The following PPP6R3 variants were observed in gnomAD, a reference collection of about 807,000 sequenced individuals.
The protein encoded by PPP6R3 is protein phosphatase 6 regulatory subunit 3, also known as serine/threonine-protein phosphatase 6 regulatory subunit 3.
A neutral mutation model predicts 110.7 loss-of-function variants in PPP6R3; 38 were observed. That is an observed-to-expected ratio of 0.34 (90% CI 0.26 to 0.45). The LOEUF is 0.45. Ranked by LOEUF, PPP6R3 falls within the 20% of genes least tolerant of loss-of-function variation. The probability of loss-of-function intolerance (pLI) is 1.00; values close to 1 mark genes in which losing one functional copy is unlikely to be tolerated. For missense variants in PPP6R3, 870 were observed against 1,062.4 expected (o/e 0.82, Z 2.52); for synonymous variants, 369 against 373.5 (o/e 0.99, Z 0.14).
chr11:68,570,491 A>G (rs1343972029), intron 11 of PPP6R3, among the ~76,000 whole-genome samples: 3 of 152,220 alleles, frequency 2.0e-5, no homozygotes, highest in Non-Finnish European at 2.9e-5. Flanking sequence ...GGGAAAGACA[A>G]ATGACACCTG....
chr11:68,533,704 CAAAAAAAA>C (rs58617776), intron 2 of PPP6R3, among the ~76,000 whole-genome samples: 23 of 56,164 alleles, frequency 4.1e-4, no homozygotes, highest in Middle Eastern at 0.012. Context: ...GACCTTGTCT[CAAAAAAAA>C]AAAAAAAAAA....
chr11:68,476,020 G>C (rs2153318369), intron 1 of PPP6R3, among the ~76,000 whole-genome samples: 1 of 151,940 alleles, frequency 6.6e-6, no homozygotes, highest in East Asian at 2.0e-4. Flanking sequence ...CCCAGACGAT[G>C]GGCGGCCAGG....
intron 2 of PPP6R3, among the ~76,000 whole-genome samples, chr11:68,524,235 C>T (rs563868436): frequency 7.9e-5 from 12 of 152,136 alleles, no homozygotes; most frequent in Non-Finnish European, 1.6e-4. Flanking sequence ...GCACTTTTTA[C>T]TTACTGGTTC....
At chr11:68,564,089 C>G (rs185460825) in intron 8 of PPP6R3, among the ~76,000 whole-genome samples, 1 of 152,248 alleles carries the variant, frequency 6.6e-6, no homozygotes, top group Admixed American at 6.5e-5. Context: ...TAATTTCTTA[C>G]CTGATACTGT....
At chr11:68,521,338 TAGG>T (rs2099163333) in intron 2 of PPP6R3, among the ~76,000 whole-genome samples, 1 of 152,246 alleles carries the variant, frequency 6.6e-6, no homozygotes, top group African/African-American at 2.4e-5. Context: ...TGTTTGGTGG[TAGG>T]AGCTAAAATG....
chr11:68,468,791 CATA>C (rs2153231003), intron 1 of PPP6R3, among the ~76,000 whole-genome samples: 1 of 152,304 alleles, frequency 6.6e-6, no homozygotes, highest in Admixed American at 6.5e-5. Flanking sequence ...ACATATATAA[CATA>C]ATTTCTGCTG....
intron 1 of PPP6R3, among the ~76,000 whole-genome samples, chr11:68,500,609 C>CT (rs1440661565): frequency 6.6e-6 from 1 of 152,198 alleles, no homozygotes; most frequent in Non-Finnish European, 1.5e-5. Flanking sequence ...TCCCAAGTAG[C>CT]TGGGACTGCA....
intron 7 of PPP6R3, among the ~76,000 whole-genome samples, chr11:68,555,374 C>T (rs1052395956): frequency 1.3e-5 from 2 of 152,214 alleles, no homozygotes. Context: ...ATATGGCTCA[C>T]TACAGTGCTG....
At chr11:68,504,690 A>G (rs1294501068) in intron 1 of PPP6R3, among the ~76,000 whole-genome samples, 4 of 152,190 alleles carry the variant, frequency 2.6e-5, no homozygotes, top group South Asian at 2.1e-4. Context: ...GGATTCTACT[A>G]TAGCTGTCTA....
chr11:68,587,748 G>A (rs760029268), intron 15 of PPP6R3, 179 bp from the exon 16 acceptor site: 29 of 684,252 alleles, frequency 4.2e-5, no homozygotes, highest in Admixed American at 1.3e-4. Flanking sequence ...AATTTCAAAC[G>A]TTTCCTTTTT....
intron 10 of PPP6R3, among the ~76,000 whole-genome samples, chr11:68,569,082 T>A (rs1417616699): frequency 6.6e-6 from 1 of 152,122 alleles, no homozygotes; most frequent in Non-Finnish European, 1.5e-5. Flanking sequence ...TTTTGAAAAT[T>A]ATAGAAAATT....
chr11:68,481,883 A>G (rs1332706232), intron 1 of PPP6R3, among the ~76,000 whole-genome samples: 2 of 151,994 alleles, frequency 1.3e-5, no homozygotes, highest in African/African-American at 4.8e-5. Flanking sequence ...TTCCTTCTAG[A>G]TGAGTGTGAG....
intron 2 of PPP6R3, among the ~76,000 whole-genome samples, chr11:68,532,813 A>G (rs1288426330): frequency 6.6e-6 from 1 of 152,214 alleles, no homozygotes; most frequent in Non-Finnish European, 1.5e-5. Context: ...ACACAGTAAC[A>G]TGCTGTGCAG....
At chr11:68,567,274 G>C in intron 10 of PPP6R3, 108 bp downstream of exon 10, 8 of 1,231,872 alleles carry the variant, frequency 6.5e-6, no homozygotes, top group Non-Finnish European at 8.7e-6. Flanking sequence ...ACTTTTCTTG[G>C]TCTGAGCATA....
At chr11:68,561,677 T>A (rs955113463) in intron 8 of PPP6R3, among the ~76,000 whole-genome samples, 5 of 152,242 alleles carry the variant, frequency 3.3e-5, no homozygotes, top group African/African-American at 1.2e-4. Flanking sequence ...AAACATATCA[T>A]CATTTTGTTA....
At chr11:68,528,643 AAG>A (rs1160845479) in intron 2 of PPP6R3, among the ~76,000 whole-genome samples, 1 of 151,980 alleles carries the variant, frequency 6.6e-6, no homozygotes, top group Non-Finnish European at 1.5e-5. Flanking sequence ...TGTCAGGGGG[AAG>A]AGTTTCTCAT....
At chr11:68,611,902 G>T (rs752801277) in intron 23 of PPP6R3, among the ~76,000 whole-genome samples, 1 of 152,184 alleles carries the variant, frequency 6.6e-6, no homozygotes, top group Non-Finnish European at 1.5e-5. Context: ...ATTGGCAGGC[G>T]CGCTGTTTCC....
At chr11:68,507,696 C>T (rs2099086017) in intron 1 of PPP6R3, among the ~76,000 whole-genome samples, 1 of 152,128 alleles carries the variant, frequency 6.6e-6, no homozygotes, top group Non-Finnish European at 1.5e-5. Context: ...TCTGAGGTGG[C>T]CTGTCCTGGG....
chr11:68,549,792 C>A (rs1031180634), intron 5 of PPP6R3, among the ~76,000 whole-genome samples: 1 of 151,948 alleles, frequency 6.6e-6, no homozygotes, highest in East Asian at 1.9e-4. Context: ...AGAGAGAGAG[C>A]GATAGGAGGT....
Sources: allele counts gnomAD v4.1 joint callset (sites outside exome capture counted in the v4.1 genomes callset), GRCh38; gene constraint gnomAD v4.1.1; transcripts MANE v1.5; gene names NCBI Gene and HGNC (gene_info 2026-07-23, HGNC 2026-07-21).